The following SHMT1 variants were observed in gnomAD, a reference collection of about 807,000 sequenced individuals.
SHMT1 encodes serine hydroxymethyltransferase 1.
A neutral mutation model predicts 49.0 loss-of-function variants in SHMT1; 45 were observed. That is an observed-to-expected ratio of 0.92 (90% CI 0.72 to 1.18). SHMT1 has a LOEUF of 1.18. Ranked by LOEUF, SHMT1 falls within the 50% of genes most tolerant of loss-of-function variation. The pLI is 0.00. For missense variants in SHMT1, 541 were observed against 612.4 expected, an observed-to-expected ratio of 0.88 and a Z score of 1.23; for synonymous variants, 232 against 246.6, an observed-to-expected ratio of 0.94 and a Z score of 0.55.
Position 18,333,392 on chromosome 17 carries a change from T to C in SHMT1, c.932-104A>G, listed in dbSNP as rs895464866. 5 of 1,107,644 alleles carry C rather than the reference T, an allele frequency of 4.5e-6. No individual in the cohort carries two copies. In the African/African-American group the frequency reaches 7.7e-5, roughly 17 times the overall value. The allele number at this position is 1,107,644 out of a possible 1,614,324, so 68.6% of individuals were successfully genotyped here. A position where few individuals can be genotyped will look rare whatever the true frequency, so the allele number is the denominator to read the frequency against. On this transcript the variant is annotated intron_variant, in intron 8 of 11. Coordinates refer to ENST00000316694, the MANE Select transcript of SHMT1 (RefSeq NM_004169.5). ...TTACTCAAGCTTCCTTGCTTTTCAA[T>C]GTCACCCCTTGCTTTTGCGTTGGAT... is the stretch of plus-strand genomic sequence containing the variant.
At chr17:18,358,859 T>C (rs1986495766) in intron 1 of SHMT1, among the ~76,000 whole-genome samples, 1 of 152,182 alleles carries the variant, frequency 6.6e-6, no homozygotes, top group Non-Finnish European at 1.5e-5. Context: ...GCCGTGATTG[T>C]GGCAGTGCAT....
intron 5 of SHMT1, among the ~76,000 whole-genome samples, chr17:18,342,239 C>T (rs1490017061): frequency 6.6e-6 from 1 of 152,146 alleles, no homozygotes; most frequent in African/African-American, 2.4e-5. Context: ...GAAATTCTGT[C>T]ATTTGCAACA....
Position 18,339,018 on chromosome 17 carries a change from C to T in SHMT1, c.814+1025G>A, listed in dbSNP as rs551703136. Among the ~76,000 whole-genome samples, 56 of 135,432 alleles carry T rather than the reference C, an allele frequency of 4.1e-4. 1 individual carries two copies. The highest frequency in any genetic ancestry group is 1.3e-3 in the African/African-American group (45 of 34,226). 88.8% of individuals were successfully genotyped at this position (135,432 alleles called of 152,430 possible). On this transcript the variant is annotated intron_variant, in intron 7 of 11. Transcript: ENST00000316694. ...TATGACCCTGCCAAATCCCCCTCCA[C>T]GAGAAACACCCAAGAATGATCAATA...
intron 1 of SHMT1, among the ~76,000 whole-genome samples, chr17:18,356,612 C>T (rs1369860093): frequency 1.3e-5 from 2 of 152,152 alleles, no homozygotes; most frequent in South Asian, 2.1e-4. Flanking sequence ...GGATTACAGG[C>T]GTGAGCCACC....
In SHMT1 at chr17:18,340,299, G is replaced by T; in HGVS notation, c.602-44C>A. On this transcript the variant is annotated intron_variant, in intron 6 of 11. Transcript: ENST00000316694. The surrounding 1 kb of genome is among the most constrained non-coding windows in gnomAD (Gnocchi z 4.5). ...CACAGCTGCATCAGAGATGTCCACC[G>T]GCCAGCTGAGTTGGCTTCACAGTGG... is the stretch of plus-strand genomic sequence containing the variant. The T allele has an allele frequency of 6.3e-7, 1 of 1,598,484 alleles. No individual in the cohort carries two copies. Among genetic ancestry groups the T allele is most frequent in the Non-Finnish European group, 8.6e-7 (1 of 1,167,272 alleles).
intron 9 of SHMT1, chr17:18,331,196 G>A (rs1017856964): frequency 2.8e-5 from 7 of 253,130 alleles, no homozygotes; most frequent in African/African-American, 1.1e-4. Context: ...GACCTGGCCC[G>A]AGGTCATACA....
At chr17:18,332,902 T>G in intron 9 of SHMT1, 1 of 501,708 alleles carries the variant, frequency 2.0e-6, no homozygotes, top group Non-Finnish European at 3.8e-6. Context: ...CCTGCAAAGC[T>G]GTTCTGAGGA....
chr17:18,360,544 A>G (rs1986660780), intron 1 of SHMT1: 1 of 151,280 alleles, frequency 6.6e-6, no homozygotes, highest in South Asian at 2.1e-4. Flanking sequence ...TGGCCAAGAG[A>G]ACAAGACCCT....
At chr17:18,333,775 A>AT (rs1567771081) in intron 8 of SHMT1, among the ~76,000 whole-genome samples, 1 of 150,986 alleles carries the variant, frequency 6.6e-6, no homozygotes, top group African/African-American at 2.4e-5. Context: ...AGCTAAAAAA[A>AT]TTTTTTATTT....
chr17:18,350,067 G>A (rs556593926), intron 3 of SHMT1, among the ~76,000 whole-genome samples: 6 of 151,486 alleles, frequency 4.0e-5, no homozygotes, highest in South Asian at 2.1e-4. Context: ...GGTGGCTCAC[G>A]CCTGTAATCC....
intron 1 of SHMT1, chr17:18,362,840 A>G (rs1986898889): frequency 1.3e-5 from 2 of 152,316 alleles, no homozygotes; most frequent in African/African-American, 4.8e-5. Flanking sequence ...GGAAGAGCTC[A>G]TTCCCCACAG....
intron 9 of SHMT1, 149 bp downstream of exon 9, chr17:18,333,017 T>G: frequency 1.0e-6 from 1 of 974,664 alleles, no homozygotes; most frequent in East Asian, 2.6e-5. Context: ...GGCTTTCCAG[T>G]TGGAGGCGAG....
chr17:18,350,796 G>A (rs8073464), intron 3 of SHMT1, among the ~76,000 whole-genome samples: 43,927 of 150,614 alleles, frequency 0.29, 6,703 homozygotes, highest in African/African-American at 0.34. Flanking sequence ...GCAGTGGTGC[G>A]ATCTCGGCTC....
Position 18,340,443 on chromosome 17 carries a change from CGTCTTGG to C in SHMT1, c.602-195_602-189del. 1 of 706,464 alleles carries C rather than the reference CGTCTTGG, an allele frequency of 1.4e-6. No homozygotes were observed. The highest frequency in any genetic ancestry group is 2.5e-6 in the Non-Finnish European group (1 of 406,268). The allele number at this position is 706,464 out of a possible 1,614,324, so 43.8% of individuals were successfully genotyped here. A position where few individuals can be genotyped will look rare whatever the true frequency, so the allele number is the denominator to read the frequency against. On this transcript the variant is annotated intron_variant, in intron 6 of 11. Coordinates refer to ENST00000316694, the MANE Select transcript of SHMT1 (RefSeq NM_004169.5). This position sits in a 1 kb window ranked among gnomAD's most constrained non-coding sequence, Gnocchi z 4.5. ...AAAGGCAACCACTCTAACTCTTCAA[CGTCTTGG>C]TGGTTGAGATGGCCCCAACTACTAT...
intron 4 of SHMT1, among the ~76,000 whole-genome samples, 160 bp from the exon 5 acceptor site, chr17:18,347,816 G>A (rs948571561): frequency 6.6e-6 from 1 of 152,110 alleles, no homozygotes; most frequent in Non-Finnish European, 1.5e-5. Context: ...GCCTTGAGAG[G>A]TGAAGTTCAG....
intron 3 of SHMT1, among the ~76,000 whole-genome samples, chr17:18,350,310 G>A (rs896744655): frequency 6.6e-6 from 1 of 150,910 alleles, no homozygotes; most frequent in South Asian, 2.1e-4. Flanking sequence ...CAGCCTGGGC[G>A]ACAGAGTGAG....
rs1334534165 is a variant in SHMT1 at position 18,337,997 on chromosome 17, G to A, written c.814+2046C>T. ...GCAGCCTCTGCCTGGCCGCCACCCC[G>A]TCTGGGAAGTGAGGAGCGTCTCTGC... On this transcript the variant is annotated intron_variant, in intron 7 of 11. Transcript: ENST00000316694. Among the ~76,000 whole-genome samples, 8 of 151,668 alleles carry A rather than the reference G, an allele frequency of 5.3e-5. No homozygotes were observed. In the East Asian group the frequency reaches 9.7e-4, roughly 18 times the overall value.
chr17:18,329,814 C>T (rs1982983230), intron 10 of SHMT1, among the ~76,000 whole-genome samples: 1 of 152,182 alleles, frequency 6.6e-6, no homozygotes, highest in African/African-American at 2.4e-5. Flanking sequence ...TACAAAGGCA[C>T]AGCCAAGAGA....
intron 5 of SHMT1, chr17:18,341,194 A>C (rs1014893470): frequency 4.4e-4 from 119 of 268,452 alleles, no homozygotes; most frequent in Non-Finnish European, 4.8e-4. Flanking sequence ...ATGAGGCAAG[A>C]AAAAGAAACA....
Sources: allele counts gnomAD v4.1 joint callset (sites outside exome capture counted in the v4.1 genomes callset), GRCh38; gene constraint gnomAD v4.1.1; non-coding constraint Gnocchi (gnomAD v3.1); transcripts MANE v1.5; gene names NCBI Gene and HGNC (gene_info 2026-07-23, HGNC 2026-07-21).